RAD51B: variants seen among roughly 807,000 people sequenced by gnomAD.
RAD51B encodes the protein DNA repair protein RAD51 homolog 2.
RAD51B carries 38 observed loss-of-function variants against 42.2 expected under a neutral mutation model. The observed-to-expected ratio is 0.90, with a 90% confidence interval of 0.70 to 1.18. The LOEUF (loss-of-function observed/expected upper bound fraction) is 1.18, where lower values mean the gene tolerates loss of function less well. RAD51B is among the 50% of genes most tolerant of loss of function. RAD51B has a pLI of 0.00. For synonymous variants in RAD51B, 154 were observed against 145.2 expected (o/e 1.06, Z -0.43); for missense variants, 373 against 400.7 (o/e 0.93, Z 0.59).
intron 9 of RAD51B, among the ~76,000 whole-genome samples, chr14:68,418,201 C>T (rs1468414520): frequency 6.6e-6 from 1 of 152,172 alleles, no homozygotes; most frequent in East Asian, 1.9e-4. Flanking sequence ...GGTAAAGGCA[C>T]TTTAACACCA....
intron 9 of RAD51B, among the ~76,000 whole-genome samples, chr14:68,428,863 G>A (rs1392762136): frequency 2.7e-5 from 4 of 150,134 alleles, no homozygotes; most frequent in African/African-American, 4.9e-5. Context: ...CCATTAACTC[G>A]TCATTTACAT....
intron 3 of RAD51B, among the ~76,000 whole-genome samples, chr14:67,827,534 GTAAA>G (rs2040875669): frequency 6.6e-6 from 1 of 151,916 alleles, no homozygotes; most frequent in South Asian, 2.1e-4. Context: ...TGTTACATAG[GTAAA>G]TGTGTGCCAT....
chr14:68,625,325 T>G (rs1374728335), intron 10 of RAD51B, among the ~76,000 whole-genome samples: 1 of 152,198 alleles, frequency 6.6e-6, no homozygotes, highest in African/African-American at 2.4e-5. Context: ...TGAACTTTTC[T>G]GCATACGCTG....
chr14:67,970,425 T>C (rs748766064), intron 7 of RAD51B, among the ~76,000 whole-genome samples: 3 of 152,132 alleles, frequency 2.0e-5, no homozygotes. Context: ...CAGTCCTTGG[T>C]GGATCTAGTT....
At chr14:67,996,011 G>A (rs918120077) in intron 7 of RAD51B, among the ~76,000 whole-genome samples, 4 of 152,064 alleles carry the variant, frequency 2.6e-5, no homozygotes, top group African/African-American at 9.7e-5. Flanking sequence ...TCCAGATGGT[G>A]TCAGTTCTGT....
chr14:68,067,850 C>T (rs1474482327), intron 7 of RAD51B, among the ~76,000 whole-genome samples: 4 of 145,696 alleles, frequency 2.7e-5, no homozygotes, highest in African/African-American at 5.1e-5. Flanking sequence ...GAGAATCCCT[C>T]GAACCCAGGA....
intron 7 of RAD51B, among the ~76,000 whole-genome samples, chr14:67,974,870 T>C (rs1358521191): frequency 6.6e-6 from 1 of 152,212 alleles, no homozygotes; most frequent in Non-Finnish European, 1.5e-5. Context: ...TTTAATAACA[T>C]TTTAAAAGAT....
chr14:68,372,129 G>A (rs1252246119), intron 8 of RAD51B, among the ~76,000 whole-genome samples: 1 of 152,188 alleles, frequency 6.6e-6, no homozygotes, highest in African/African-American at 2.4e-5. Flanking sequence ...GTTAGGTCCA[G>A]TGCTGCTAAG....
chr14:68,571,337 G>A (rs540536132), intron 10 of RAD51B, among the ~76,000 whole-genome samples: 1 of 152,194 alleles, frequency 6.6e-6, no homozygotes, highest in Non-Finnish European at 1.5e-5. Flanking sequence ...GAGGTCAGAA[G>A]TCCAAAATGG....
chr14:68,594,888 G>A (rs1890926062), exon 11 of RAD51B: 7 of 1,098,932 alleles, frequency 6.4e-6, no homozygotes, highest in African/African-American at 1.6e-5. Context: ...CCACCATGGA[G>A]TACATTTTCT....
intron 9 of RAD51B, among the ~76,000 whole-genome samples, chr14:68,443,274 C>G (rs1441231518): frequency 6.6e-6 from 1 of 152,110 alleles, no homozygotes; most frequent in Admixed American, 6.5e-5. Context: ...GAGAACTTAG[C>G]CTGTGGCTTC....
intron 9 of RAD51B, among the ~76,000 whole-genome samples, chr14:68,432,005 T>G (rs1051889306): frequency 7.2e-5 from 11 of 152,232 alleles, no homozygotes; most frequent in Non-Finnish European, 1.5e-4. Flanking sequence ...CATTTCGTTA[T>G]GTACCCAGTA....
intron 7 of RAD51B, among the ~76,000 whole-genome samples, chr14:67,966,542 C>G (rs2074782626): frequency 6.6e-6 from 1 of 152,168 alleles, no homozygotes; most frequent in Non-Finnish European, 1.5e-5. Context: ...ACCATCATCC[C>G]CAATCCCAGC....
At chr14:67,847,015 G>T (rs1332178132) in intron 4 of RAD51B, among the ~76,000 whole-genome samples, 3 of 152,182 alleles carry the variant, frequency 2.0e-5, no homozygotes, top group Non-Finnish European at 4.4e-5. Context: ...GGTGAGAGGG[G>T]TTTGTTTTTC....
At chr14:68,180,135 T>C (rs888013846) in intron 7 of RAD51B, among the ~76,000 whole-genome samples, 2 of 152,166 alleles carry the variant, frequency 1.3e-5, no homozygotes, top group East Asian at 3.8e-4. Flanking sequence ...TAAGTCACCC[T>C]AATGGTTAAA....
chr14:68,305,276 G>A lies in RAD51B; in HGVS notation c.853+13296G>A, dbSNP rs1160450202. Reference sequence around the variant, plus strand: ...AATTGTTCATTCATTTACACGTTAAGTATGAAGCATCTATAATGTGAAATG... The same window carrying A: ...AATTGTTCATTCATTTACACGTTAAATATGAAGCATCTATAATGTGAAATG... On this transcript the variant is annotated intron_variant, in intron 8 of 10. Coordinates refer to ENST00000471583, the MANE Select transcript of RAD51B (RefSeq NM_133510.4). Among the ~76,000 whole-genome samples the A allele has an allele frequency of 2.6e-5, 4 of 152,182 alleles. 1 individual carries two copies. The highest frequency in any genetic ancestry group is 1.3e-4 in the Admixed American group (2 of 15,272).
At chr14:68,421,110 G>A (rs1236667390) in intron 9 of RAD51B, among the ~76,000 whole-genome samples, 1 of 152,202 alleles carries the variant, frequency 6.6e-6, no homozygotes, top group African/African-American at 2.4e-5. Flanking sequence ...AGTGAGATGA[G>A]GAGCTTCTTC....
At chr14:68,439,339 G>A (rs1228468470) in intron 9 of RAD51B, among the ~76,000 whole-genome samples, 1 of 152,154 alleles carries the variant, frequency 6.6e-6, no homozygotes, top group Non-Finnish European at 1.5e-5. Flanking sequence ...GATTCCTCCA[G>A]CCCTGGGGAT....
chr14:68,444,948 A>G (rs1166515445), intron 9 of RAD51B, among the ~76,000 whole-genome samples: 1 of 152,228 alleles, frequency 6.6e-6, no homozygotes, highest in Non-Finnish European at 1.5e-5. Flanking sequence ...ATATCCGTGC[A>G]TTAGAGCCAT....
Sources: allele counts gnomAD v4.1 joint callset (sites outside exome capture counted in the v4.1 genomes callset), GRCh38; gene constraint gnomAD v4.1.1; transcripts MANE v1.5; gene names NCBI Gene and HGNC (gene_info 2026-07-23, HGNC 2026-07-21).